Variants in PRKCI observed in about 807,000 individuals in gnomAD.
PRKCI encodes the protein protein kinase C iota, also known as protein kinase C iota type.
Under a neutral mutation model 84.0 loss-of-function variants are expected in PRKCI, and 43 were observed. The ratio of observed to expected loss-of-function variants is 0.51; its 90% confidence interval spans 0.40 to 0.66. PRKCI has a LOEUF of 0.66. Among genes scored for constraint, PRKCI ranks in the 30% least tolerant of loss-of-function variants. The probability of loss-of-function intolerance (pLI) is 0.00; values close to 1 mark genes in which losing one functional copy is unlikely to be tolerated. For synonymous variants in PRKCI, 216 were observed against 234.4 expected, an observed-to-expected ratio of 0.92 and a Z score of 0.72; for missense variants, 459 against 745.6, an observed-to-expected ratio of 0.62 and a Z score of 4.48.
chr3:170,270,625 C>T (rs528563788), intron 6 of PRKCI, 64 bp downstream of exon 6: 13 of 1,483,712 alleles, frequency 8.8e-6, no homozygotes, highest in Non-Finnish European at 9.9e-6. Flanking sequence ...ACTGCTATAA[C>T]AGAGTGCTAA....
At chr3:170,256,592 T>A (rs184673222) in intron 2 of PRKCI, among the ~76,000 whole-genome samples, 2 of 152,184 alleles carry the variant, frequency 1.3e-5, no homozygotes, top group African/African-American at 4.8e-5. Context: ...GGTTTGTTGA[T>A]ACTATTTGTC....
At chr3:170,227,961 A>T (rs1237358080) in intron 1 of PRKCI, among the ~76,000 whole-genome samples, 1 of 152,202 alleles carries the variant, frequency 6.6e-6, no homozygotes, top group Non-Finnish European at 1.5e-5. Context: ...GTATCAGTAG[A>T]ATTAAAGATA....
intron 2 of PRKCI, 129 bp from the exon 3 acceptor site, chr3:170,259,840 G>T (rs902461659): frequency 2.2e-6 from 1 of 459,148 alleles, no homozygotes. Context: ...ATAAATATTT[G>T]TCCTTGTCAT....
Position 170,296,092 on chromosome 3 carries a change from A to T in PRKCI, c.1497+102A>T, listed in dbSNP as rs567790786. The T allele has an allele frequency of 2.8e-5, 17 of 604,680 alleles. No homozygotes were observed. In the African/African-American group the frequency reaches 2.9e-4, roughly 10 times the overall value. 37.5% of individuals were successfully genotyped at this position (604,680 alleles called of 1,614,324 possible). On this transcript the variant is annotated intron_variant, in intron 15 of 17. Coordinates refer to ENST00000295797, the MANE Select transcript of PRKCI (RefSeq NM_002740.6). ...AATGTAAAATTCCAAAACAGTAGAG[A>T]ATGTAACTTTTTCAGTTTGACCCAG...
At chr3:170,224,126 C>T (rs1173870040) in intron 1 of PRKCI, among the ~76,000 whole-genome samples, 2 of 137,082 alleles carry the variant, frequency 1.5e-5, no homozygotes, top group Non-Finnish European at 3.0e-5. Flanking sequence ...TCCATGTGTT[C>T]TCATTGTTCA....
At chr3:170,298,953 T>C (rs1734754845) in intron 16 of PRKCI, 42 bp from the exon 17 acceptor site, 1 of 1,376,626 alleles carries the variant, frequency 7.3e-7, no homozygotes, top group African/African-American at 1.4e-5. Flanking sequence ...GGAGTTTTTC[T>C]AAGAATACAG....
At chr3:170,236,620 T>G (rs186605100) in intron 2 of PRKCI, among the ~76,000 whole-genome samples, 4 of 152,104 alleles carry the variant, frequency 2.6e-5, no homozygotes, top group Admixed American at 2.6e-4. Context: ...CCCAGCACTT[T>G]AGAGTCTGAG....
At chr3:170,270,590 T>C in intron 6 of PRKCI, 29 bp downstream of exon 6, 1 of 1,580,732 alleles carries the variant, frequency 6.3e-7, no homozygotes, top group Non-Finnish European at 8.6e-7. Flanking sequence ...TTTTTTTTTT[T>C]TTTTTTAAGA....
chr3:170,284,279 C>CTT (rs1386795459), intron 11 of PRKCI, among the ~76,000 whole-genome samples, 182 bp from the exon 12 acceptor site: 1 of 152,064 alleles, frequency 6.6e-6, no homozygotes, highest in Non-Finnish European at 1.5e-5. Context: ...TAGACAGGAA[C>CTT]TTTTACAATT....
At chr3:170,254,067 A>T (rs1174635077) in intron 2 of PRKCI, among the ~76,000 whole-genome samples, 1 of 151,732 alleles carries the variant, frequency 6.6e-6, no homozygotes, top group East Asian at 1.9e-4. Context: ...ACTGCACTCC[A>T]GCCTGGGTGA....
At chr3:170,292,387 G>A (rs1734573129) in intron 13 of PRKCI, among the ~76,000 whole-genome samples, 4 of 152,072 alleles carry the variant, frequency 2.6e-5, no homozygotes, top group Admixed American at 2.6e-4. Context: ...AGATTTCCTG[G>A]GATATTTGCC....
At chr3:170,232,238 A>G (rs183469925) in intron 1 of PRKCI, among the ~76,000 whole-genome samples, 22 of 152,222 alleles carry the variant, frequency 1.4e-4, no homozygotes, top group Admixed American at 1.1e-3. Flanking sequence ...TTTTGTAGAG[A>G]CAAGGTCTCC....
intron 11 of PRKCI, among the ~76,000 whole-genome samples, chr3:170,283,426 G>A (rs1345526685): frequency 5.3e-5 from 8 of 152,050 alleles, no homozygotes; most frequent in African/African-American, 1.7e-4. Context: ...CTTCATTATT[G>A]CTTGTCAAAA....
At chr3:170,283,505 G>GT (rs1172555719) in intron 11 of PRKCI, among the ~76,000 whole-genome samples, 2 of 151,968 alleles carry the variant, frequency 1.3e-5, no homozygotes, top group Admixed American at 1.3e-4. Flanking sequence ...GTTTATTTGG[G>GT]TTTTTTTGTT....
At chr3:170,263,548 TC>T in intron 4 of PRKCI, 119 bp downstream of exon 4, 2 of 773,302 alleles carry the variant, frequency 2.6e-6, no homozygotes, top group Non-Finnish European at 2.1e-6. Context: ...ATGCCTGTAA[TC>T]CCAGCACTGT....
chr3:170,300,777 C>G (rs143886163), intron 17 of PRKCI, among the ~76,000 whole-genome samples: 111 of 149,132 alleles, frequency 7.4e-4, no homozygotes, highest in African/African-American at 2.6e-3. Context: ...TTCTTAATTT[C>G]TAAATTGTAA....
intron 12 of PRKCI, among the ~76,000 whole-genome samples, chr3:170,289,283 ATCC>A (rs1734477408): frequency 6.6e-6 from 1 of 152,226 alleles, no homozygotes; most frequent in East Asian, 1.9e-4. Context: ...AGCATATAAT[ATCC>A]CTTTTAGAAA....
At position 170,284,606 on chromosome 3, in the gene PRKCI, A is replaced by C. The variant is rs767584777; in HGVS notation, c.1203+10A>C. 1.2e-5 allele frequency: 20 copies of C among 1,605,194 alleles called. No individual in the cohort carries two copies. Among genetic ancestry groups the C allele is most frequent in the South Asian group, 4.5e-5 (4 of 88,862 alleles). On this transcript the variant is annotated intron_variant, in intron 12 of 17. Transcript: ENST00000295797. ...CTACGGCATGTGTAAGGTGAGGAAAATTTTCTAGTTATTTTAAAAGGTCTT... is the reference window on the plus strand; with the variant it reads ...CTACGGCATGTGTAAGGTGAGGAAACTTTTCTAGTTATTTTAAAAGGTCTT...
chr3:170,240,460 A>C (rs1387147380), intron 2 of PRKCI, among the ~76,000 whole-genome samples: 1 of 152,176 alleles, frequency 6.6e-6, no homozygotes, highest in Non-Finnish European at 1.5e-5. Context: ...GTCTTGTTCA[A>C]GTAAAAGGTT....
Sources: allele counts gnomAD v4.1 joint callset (sites outside exome capture counted in the v4.1 genomes callset), GRCh38; gene constraint gnomAD v4.1.1; transcripts MANE v1.5; gene names NCBI Gene and HGNC (gene_info 2026-07-23, HGNC 2026-07-21).